Variants in IQGAP2 observed in about 807,000 individuals in gnomAD.
The protein encoded by IQGAP2 is ras GTPase-activating-like protein IQGAP2.
In IQGAP2, 173 loss-of-function variants were observed where a neutral mutation model predicts 201.3. That is an observed-to-expected ratio of 0.86 (90% CI 0.76 to 0.98). The LOEUF (loss-of-function observed/expected upper bound fraction) is 0.98, where lower values mean the gene tolerates loss of function less well. Among genes scored for constraint, IQGAP2 ranks in the 50% least tolerant of loss-of-function variants. IQGAP2 has a pLI of 0.00. For missense variants in IQGAP2, 1,687 were observed against 1,864.8 expected (o/e 0.90, Z 1.76); for synonymous variants, 675 against 673.9 (o/e 1.00, Z -0.03).
At chr5:76,486,390 A>G (rs1360768959) in intron 2 of IQGAP2, among the ~76,000 whole-genome samples, 1 of 152,206 alleles carries the variant, frequency 6.6e-6, no homozygotes, top group Non-Finnish European at 1.5e-5. Flanking sequence ...CCCTCATCAA[A>G]TGATTTTACC....
chr5:76,558,058 G>A (rs1045738886), intron 2 of IQGAP2, among the ~76,000 whole-genome samples: 2 of 152,092 alleles, frequency 1.3e-5, no homozygotes, highest in East Asian at 1.9e-4. Flanking sequence ...GCCTGCCTGC[G>A]CCTCCCAAAG....
intron 1 of IQGAP2, among the ~76,000 whole-genome samples, chr5:76,424,988 A>G (rs1323798346): frequency 6.6e-6 from 1 of 152,182 alleles, no homozygotes; most frequent in Non-Finnish European, 1.5e-5. Flanking sequence ...TGATTAGGGA[A>G]AGGAGAGCAC....
At chr5:76,590,302 C>A in intron 7 of IQGAP2, 106 bp from the exon 8 acceptor site, 2 of 847,990 alleles carry the variant, frequency 2.4e-6, no homozygotes, top group Non-Finnish European at 3.6e-6. Context: ...TTACTGGAAG[C>A]CAAGAAAGAA....
Position 76,700,578 on chromosome 5 carries a change from T to C in IQGAP2, c.4368-498T>C, listed in dbSNP as rs182684899. On this transcript the variant is annotated intron_variant, in intron 33 of 35. Coordinates refer to ENST00000274364, the MANE Select transcript of IQGAP2 (RefSeq NM_006633.5). ...AAGTATGGTTATGAGAGCTACATGATATAGTATATAGCAAAGGAATTTATT... is the reference window on the plus strand; with the variant it reads ...AAGTATGGTTATGAGAGCTACATGACATAGTATATAGCAAAGGAATTTATT... Among the ~76,000 whole-genome samples, 1,399 of 152,314 alleles carry C rather than the reference T, an allele frequency of 9.2e-3. 10 individuals carry two copies. The highest frequency in any genetic ancestry group is 0.015 in the Non-Finnish European group (1,048 of 68,034).
At chr5:76,413,453 G>A (rs1046108222) in intron 1 of IQGAP2, among the ~76,000 whole-genome samples, 1 of 152,102 alleles carries the variant, frequency 6.6e-6, no homozygotes, top group Non-Finnish European at 1.5e-5. Context: ...ACAGGCGTGG[G>A]CCACCACGCC....
chr5:76,698,061 A>G lies in IQGAP2; in HGVS notation c.4281A>G (p.Ala1427=), dbSNP rs776593360. Residue 1427 remains alanine (A), a synonymous_variant, in exon 33 of 36, where the codon GCA becomes GCG. Transcript: ENST00000274364. ...CAAAACTTCAGCAGACCCTGAATGCACTTAACAAGAAGGCAGCATTTTATG... is the reference window on the plus strand; with the variant it reads ...CAAAACTTCAGCAGACCCTGAATGCGCTTAACAAGAAGGCAGCATTTTATG... ...ELAKLQQTLN[A]LNKKAAFYEE... is the part of the protein sequence containing the mutation. 6.8e-6 allele frequency: 11 copies of G among 1,613,194 alleles called. No individual in the cohort carries two copies. The highest frequency in any genetic ancestry group is 9.3e-6 in the Non-Finnish European group (11 of 1,179,200).
At chr5:76,421,902 A>G (rs184898930) in intron 1 of IQGAP2, among the ~76,000 whole-genome samples, 155 of 152,202 alleles carry the variant, frequency 1.0e-3, no homozygotes, top group African/African-American at 3.7e-3. Flanking sequence ...ATCTTGAACA[A>G]GGTCTTAACT....
intron 2 of IQGAP2, among the ~76,000 whole-genome samples, chr5:76,506,877 T>C (rs1757631899): frequency 6.6e-6 from 1 of 152,182 alleles, no homozygotes; most frequent in Non-Finnish European, 1.5e-5. Flanking sequence ...GAACTATAAA[T>C]GCATGAAGAG....
intron 2 of IQGAP2, among the ~76,000 whole-genome samples, chr5:76,537,259 G>C (rs759064343): frequency 1.3e-4 from 20 of 152,168 alleles, no homozygotes; most frequent in Non-Finnish European, 2.5e-4. Context: ...GCTTTTAAAA[G>C]GTTAGGTTAA....
At chr5:76,477,156 G>A (rs1408634754) in intron 2 of IQGAP2, among the ~76,000 whole-genome samples, 1 of 151,810 alleles carries the variant, frequency 6.6e-6, no homozygotes, top group Non-Finnish European at 1.5e-5. Flanking sequence ...GCAACATGGT[G>A]AAACCCTGTC....
chr5:76,429,623 A>C (rs1488558204), intron 1 of IQGAP2, among the ~76,000 whole-genome samples: 1 of 140,064 alleles, frequency 7.1e-6, no homozygotes, highest in Non-Finnish European at 1.5e-5. Flanking sequence ...TACATATATA[A>C]ATTTATATAT....
At chr5:76,429,888 C>T (rs1390068482) in intron 1 of IQGAP2, among the ~76,000 whole-genome samples, 2 of 150,876 alleles carry the variant, frequency 1.3e-5, no homozygotes, top group African/African-American at 4.9e-5. Flanking sequence ...CACACACACA[C>T]ACACACGACT....
At chr5:76,619,974 C>T (rs889164200) in intron 13 of IQGAP2, among the ~76,000 whole-genome samples, 4 of 151,984 alleles carry the variant, frequency 2.6e-5, no homozygotes, top group Non-Finnish European at 5.9e-5. Context: ...GGTCATAACC[C>T]AAGGAATGCA....
intron 30 of IQGAP2, among the ~76,000 whole-genome samples, chr5:76,684,742 G>A (rs1745592448): frequency 6.6e-6 from 1 of 152,188 alleles, no homozygotes; most frequent in Admixed American, 6.5e-5. Context: ...TACCTGTCCT[G>A]AGTTCTGAGG....
intron 14 of IQGAP2, among the ~76,000 whole-genome samples, chr5:76,630,309 G>C (rs77825523): frequency 3.1e-4 from 47 of 152,282 alleles, no homozygotes; most frequent in African/African-American, 1.1e-3. Flanking sequence ...CCAGATTATA[G>C]CACAGCACAA....
At chr5:76,704,613 C>T (rs923773652) in intron 35 of IQGAP2, among the ~76,000 whole-genome samples, 2 of 152,112 alleles carry the variant, frequency 1.3e-5, no homozygotes, top group Non-Finnish European at 2.9e-5. Context: ...GGGCTCAGAG[C>T]AAAATAAAAA....
intron 1 of IQGAP2, among the ~76,000 whole-genome samples, chr5:76,447,012 G>A (rs1183663342): frequency 6.6e-6 from 1 of 152,206 alleles, no homozygotes; most frequent in Admixed American, 6.5e-5. Context: ...TGCCTATTTT[G>A]CGACCAGTTT....
chr5:76,420,599 A>T (rs973572849), intron 1 of IQGAP2, among the ~76,000 whole-genome samples: 2 of 151,804 alleles, frequency 1.3e-5, no homozygotes, highest in Non-Finnish European at 2.9e-5. Flanking sequence ...CTGGTCTCGA[A>T]CTCTTGACCT....
intron 2 of IQGAP2, among the ~76,000 whole-genome samples, chr5:76,503,304 G>T (rs1432430748): frequency 2.0e-5 from 3 of 150,306 alleles, no homozygotes; most frequent in African/African-American, 7.3e-5. Context: ...CTCCTGAGTA[G>T]CTGGGATTAC....
Sources: allele counts gnomAD v4.1 joint callset (sites outside exome capture counted in the v4.1 genomes callset), GRCh38; gene constraint gnomAD v4.1.1; transcripts MANE v1.5; gene names NCBI Gene and HGNC (gene_info 2026-07-23, HGNC 2026-07-21).